Variants in CNIH4 observed in about 807,000 individuals in gnomAD.
The protein encoded by CNIH4 is protein cornichon homolog 4.
CNIH4 carries 9 observed loss-of-function variants against 21.5 expected under a neutral mutation model. The ratio of observed to expected loss-of-function variants is 0.42; its 90% CI spans 0.25 to 0.73. CNIH4 has a LOEUF of 0.73. CNIH4 is among the 30% of genes least tolerant of loss of function. The probability of loss-of-function intolerance (pLI) is 0.27; values close to 1 mark genes in which losing one functional copy is unlikely to be tolerated. For missense variants in CNIH4, 159 were observed against 170.0 expected (o/e 0.94, Z 0.36); for synonymous variants, 67 against 59.1 (o/e 1.13, Z -0.61).
chr1:224,373,877 G>A (rs1672707150), intron 4 of CNIH4, among the ~76,000 whole-genome samples: 1 of 152,224 alleles, frequency 6.6e-6, no homozygotes, highest in Admixed American at 6.5e-5. Context: ...GAGGAATTAA[G>A]ATGTAATTTT....
Position 224,356,895 on chromosome 1 carries a change from C to G in CNIH4, c.-30C>G. On this transcript the variant is annotated 5_prime_UTR_variant, in exon 1 of 5. Coordinates refer to ENST00000465271, the MANE Select transcript of CNIH4 (RefSeq NM_014184.4). ...GGTCGGGGCATCCGAGCGGGTTTGA[C>G]GGAAGGAGCGGCGGCGACGGAGGAG... is the stretch of plus-strand genomic sequence containing the variant. 1 of 1,581,768 alleles carries G rather than the reference C, an allele frequency of 6.3e-7. No individual in the cohort carries two copies. The highest frequency in any genetic ancestry group is 8.6e-7 in the Non-Finnish European group (1 of 1,159,814).
In CNIH4 at chr1:224,377,504, G is replaced by C. The variant is rs974425726; in HGVS notation, c.*1682G>C. On this transcript the variant is annotated 3_prime_UTR_variant, in exon 5 of 5. Transcript: ENST00000465271. Reference sequence around the variant, plus strand: ...TAGAGATCTTTTTTTTTTTTTTTTTGAGATGGGGTCTTGCTGTGTTGCCCA... The same window carrying C: ...TAGAGATCTTTTTTTTTTTTTTTTTCAGATGGGGTCTTGCTGTGTTGCCCA... 1 of 109,760 alleles carries C rather than the reference G, an allele frequency of 9.1e-6. No homozygotes were observed. 6.8% of individuals were successfully genotyped at this position (109,760 alleles called of 1,614,324 possible). A position where few individuals can be genotyped will look rare whatever the true frequency, so the allele number is the denominator to read the frequency against.
chr1:224,359,442 T>C (rs1417930945), intron 1 of CNIH4, among the ~76,000 whole-genome samples: 6 of 152,186 alleles, frequency 3.9e-5, no homozygotes, highest in African/African-American at 7.2e-5. Flanking sequence ...GATTATGATA[T>C]ATGAAACAGA....
intron 3 of CNIH4, among the ~76,000 whole-genome samples, chr1:224,366,957 G>A (rs1034515742): frequency 6.9e-6 from 1 of 143,898 alleles, no homozygotes; most frequent in Non-Finnish European, 1.5e-5. Context: ...GCGAGACTCC[G>A]TCTCAAGAAA....
intron 4 of CNIH4, among the ~76,000 whole-genome samples, chr1:224,371,725 C>T (rs1212104747): frequency 2.0e-5 from 3 of 152,132 alleles, no homozygotes; most frequent in Non-Finnish European, 4.4e-5. Context: ...GGCAGATCAC[C>T]TGAGGTCGGG....
chr1:224,378,053 AT>A lies in CNIH4; in HGVS notation c.*2245del, dbSNP rs879895106. 8.1e-3 allele frequency: 1,192 copies of A among 146,516 alleles called. 10 individuals carry two copies. The highest frequency in any genetic ancestry group is 0.025 in the African/African-American group (995 of 40,476). The allele number at this position is 146,516 out of a possible 1,614,324, so 9.1% of individuals were successfully genotyped here. ...GAAAGTGGGGGATCACTGTAGTTAAATTTTTTTTTTTTTTAATTAGAGACAG... is the reference window on the plus strand; with the variant it reads ...GAAAGTGGGGGATCACTGTAGTTAAATTTTTTTTTTTTTAATTAGAGACAG... On this transcript the variant is annotated 3_prime_UTR_variant, in exon 5 of 5. Transcript: ENST00000465271.
Position 224,377,852 on chromosome 1 carries a change from T to C in CNIH4, c.*2030T>C, listed in dbSNP as rs1254282428. ...TCTTAGTAACCAAAACAGTGACTCA[T>C]GCAGTTGAGAGAGCCTTTGGGCTGT... is the stretch of plus-strand genomic sequence containing the variant. On this transcript the variant is annotated 3_prime_UTR_variant, in exon 5 of 5. Coordinates refer to ENST00000465271, the MANE Select transcript of CNIH4 (RefSeq NM_014184.4). 2.0e-5 allele frequency: 3 copies of C among 152,176 alleles called. No homozygotes were observed. The highest frequency in any genetic ancestry group is 7.2e-5 in the African/African-American group (3 of 41,430). 9.4% of individuals were successfully genotyped at this position (152,176 alleles called of 1,614,324 possible).
In CNIH4 at chr1:224,376,346, G is replaced by A. The variant is rs1252365702; in HGVS notation, c.*524G>A. ...GTCTTTTCACAAGAATGTCAACAGA[G>A]AATGGCATCTCAAAATATATATATT... On this transcript the variant is annotated 3_prime_UTR_variant, in exon 5 of 5. Transcript: ENST00000465271. The A allele has an allele frequency of 7.1e-6, 7 of 985,312 alleles. No homozygotes were observed. In the East Asian group the frequency reaches 4.5e-4, roughly 64 times the overall value. The allele number at this position is 985,312 out of a possible 1,614,324, so 61.0% of individuals were successfully genotyped here.
chr1:224,368,525 T>C (rs1432351637), intron 3 of CNIH4, among the ~76,000 whole-genome samples: 3 of 152,188 alleles, frequency 2.0e-5, no homozygotes, highest in Admixed American at 1.3e-4. Context: ...CACTATACTT[T>C]ATGCTGTTGG....
Position 224,365,861 on chromosome 1 carries a change from T to G in CNIH4, c.139-18T>G, listed in dbSNP as rs1183722423. ...AGGACATAGCAGTGAGATGTAATAC[T>G]GTGTTCTTCCATTGCAGTGGGTAAT... is the stretch of plus-strand genomic sequence containing the variant. On this transcript the variant is annotated intron_variant, in intron 2 of 4. Transcript: ENST00000465271. 7.2e-7 allele frequency: 1 copy of G among 1,382,102 alleles called. No individual in the cohort carries two copies. The highest frequency in any genetic ancestry group is 1.2e-5 in the South Asian group (1 of 86,328). 85.6% of individuals were successfully genotyped at this position (1,382,102 alleles called of 1,614,324 possible). A position where few individuals can be genotyped will look rare whatever the true frequency, so the allele number is the denominator to read the frequency against.
chr1:224,370,093 GA>G lies in CNIH4; in HGVS notation c.252-1182del, dbSNP rs533236365. The stretch of plus-strand genomic sequence containing the variant: ...AAAAATAAAACAAAAATACAAAAAG[GA>G]AAAAAAAGACAGCTAAGTAAGTGGT... On this transcript the variant is annotated intron_variant, in intron 3 of 4. Coordinates refer to ENST00000465271, the MANE Select transcript of CNIH4 (RefSeq NM_014184.4). Among the ~76,000 whole-genome samples the G allele has an allele frequency of 3.2e-3, 480 of 151,462 alleles. 5 individuals are homozygous for G. Among genetic ancestry groups the G allele is most frequent in the South Asian group, 0.022 (105 of 4,746 alleles).
chr1:224,360,974 CTTTATTTA>C (rs377096979), intron 2 of CNIH4, among the ~76,000 whole-genome samples: 3 of 151,654 alleles, frequency 2.0e-5, no homozygotes, highest in African/African-American at 7.3e-5. Flanking sequence ...ATGTATGACT[CTTTATTTA>C]TTTATTTATT....
intron 2 of CNIH4, 56 bp from the exon 3 acceptor site, chr1:224,365,823 T>C (rs1256518270): frequency 9.9e-7 from 1 of 1,008,386 alleles, no homozygotes; most frequent in African/African-American, 1.6e-5. Context: ...TCAAATAACA[T>C]GTACAGTCAG....
intron 2 of CNIH4, among the ~76,000 whole-genome samples, chr1:224,361,082 G>A (rs1053983985): frequency 1.3e-5 from 2 of 151,532 alleles, no homozygotes; most frequent in South Asian, 2.1e-4. Flanking sequence ...TGAGTAGCTG[G>A]GACTACAGGC....
intron 2 of CNIH4, 152 bp from the exon 3 acceptor site, chr1:224,365,727 G>A (rs974188356): frequency 7.9e-6 from 5 of 634,628 alleles, no homozygotes; most frequent in Non-Finnish European, 1.4e-5. Context: ...CAAAGTTATA[G>A]CAGTATGCAA....
Position 224,376,920 on chromosome 1 carries a change from A to G in CNIH4, c.*1098A>G. 1 of 985,366 alleles carries G rather than the reference A, an allele frequency of 1.0e-6. No homozygotes were observed. The highest frequency in any genetic ancestry group is 1.2e-6 in the Non-Finnish European group (1 of 829,836). 61.0% of individuals were successfully genotyped at this position (985,366 alleles called of 1,614,324 possible). A position where few individuals can be genotyped will look rare whatever the true frequency, so the allele number is the denominator to read the frequency against. On this transcript the variant is annotated 3_prime_UTR_variant, in exon 5 of 5. Transcript: ENST00000465271. ...GTGGTTTAATGTTGCTATCTTAAGC[A>G]CTGGCATTTGGGCAAAACATGACTG... is the stretch of plus-strand genomic sequence containing the variant.
At chr1:224,359,653 C>T (rs575538263) in intron 1 of CNIH4, among the ~76,000 whole-genome samples, 1 of 152,274 alleles carries the variant, frequency 6.6e-6, no homozygotes, top group South Asian at 2.1e-4. Flanking sequence ...TTACTGCTGC[C>T]TCCATCTCCT....
At position 224,371,329 on chromosome 1, in the gene CNIH4, GA is replaced by G; in HGVS notation, c.301del (p.Ile101TyrfsTer7). The G allele has an allele frequency of 6.2e-7, 1 of 1,614,078 alleles. No homozygotes were observed. The highest frequency in any genetic ancestry group is 8.5e-7 in the Non-Finnish European group (1 of 1,180,006). ...SGNMGVFDPT[E>X]IHNRGQLKSH... ...TAACATGGGAGTGTTTGATCCAACA[GA>G]AATACACAATCGAGGGCAGCTGAAG... is the stretch of plus-strand genomic sequence containing the variant. On this transcript the variant is annotated frameshift_variant, in exon 4 of 5. Coordinates refer to ENST00000465271, the MANE Select transcript of CNIH4 (RefSeq NM_014184.4). LOFTEE classifies it high-confidence loss of function.
At chr1:224,370,285 T>G (rs1254714487) in intron 3 of CNIH4, among the ~76,000 whole-genome samples, 2 of 152,090 alleles carry the variant, frequency 1.3e-5, no homozygotes, top group Admixed American at 6.6e-5. Flanking sequence ...TATCTGGATA[T>G]TCAAATGAAA....
Sources: gnomAD v4.1 joint callset for allele counts (sites outside exome capture counted in the v4.1 genomes callset) on GRCh38, gnomAD v4.1.1 for gene constraint, MANE v1.5 for transcripts, NCBI Gene and HGNC (gene_info 2026-07-23, HGNC 2026-07-21) for gene names.